Variants in DSCAM observed in about 807,000 individuals in gnomAD.
DSCAM encodes cell adhesion molecule DSCAM.
In DSCAM, 47 loss-of-function variants were observed where a neutral mutation model predicts 217.7. The observed-to-expected ratio is 0.22, with a 90% confidence interval of 0.17 to 0.28. The LOEUF is 0.28. DSCAM is among the 10% of genes least tolerant of loss of function. DSCAM has a pLI of 1.00. For missense variants in DSCAM, 2,080 were observed against 2,618.3 expected, an observed-to-expected ratio of 0.79 and a Z score of 4.49; for synonymous variants, 1,056 against 1,015.3, an observed-to-expected ratio of 1.04 and a Z score of -0.76.
intron 3 of DSCAM, among the ~76,000 whole-genome samples, chr21:40,534,526 T>C (rs573183318): frequency 6.6e-6 from 1 of 152,296 alleles, no homozygotes; most frequent in South Asian, 2.1e-4. Flanking sequence ...GTACCCCGCC[T>C]TGATGTGGAC....
intron 1 of DSCAM, among the ~76,000 whole-genome samples, chr21:40,816,101 G>A (rs2091879392): frequency 6.6e-6 from 1 of 152,162 alleles, no homozygotes; most frequent in African/African-American, 2.4e-5. Flanking sequence ...TGTCAAAACA[G>A]CAAAATCAGT....
At chr21:40,324,712 G>A (rs533883938) in intron 8 of DSCAM, among the ~76,000 whole-genome samples, 3 of 152,264 alleles carry the variant, frequency 2.0e-5, no homozygotes, top group African/African-American at 7.2e-5. Flanking sequence ...CCCTGGTTGA[G>A]AGCAATAATA....
At chr21:40,030,562 C>T (rs921544326) in intron 32 of DSCAM, among the ~76,000 whole-genome samples, 2 of 152,176 alleles carry the variant, frequency 1.3e-5, no homozygotes, top group African/African-American at 4.8e-5. Flanking sequence ...GCGTTCACAA[C>T]AGGGATCAAG....
Position 40,808,959 on chromosome 21 carries a change from T to C in DSCAM, c.43+37660A>G, listed in dbSNP as rs184365720. Among the ~76,000 whole-genome samples, 299 of 152,256 alleles carry C rather than the reference T, an allele frequency of 2.0e-3. 4 individuals carry two copies. In the South Asian group the frequency reaches 0.024, roughly 12 times the overall value. ...CTTAACCTGCGCCTAGCATCTAACTTCTACCCCAGAGACTATCCTACATGC... is the reference window on the plus strand; with the variant it reads ...CTTAACCTGCGCCTAGCATCTAACTCCTACCCCAGAGACTATCCTACATGC... On this transcript the variant is annotated intron_variant, in intron 1 of 32. Coordinates refer to ENST00000400454, the MANE Select transcript of DSCAM (RefSeq NM_001389.5).
At chr21:40,109,957 G>T (rs933759502) in intron 20 of DSCAM, among the ~76,000 whole-genome samples, 2 of 152,194 alleles carry the variant, frequency 1.3e-5, no homozygotes, top group Non-Finnish European at 2.9e-5. Context: ...AGCTCAAGGA[G>T]GCCTGCCTGC....
intron 3 of DSCAM, among the ~76,000 whole-genome samples, chr21:40,585,129 T>G (rs1378451716): frequency 6.6e-6 from 1 of 151,734 alleles, no homozygotes; most frequent in East Asian, 1.9e-4. Context: ...AAGCAGATGC[T>G]GGGGCAATGC....
intron 1 of DSCAM, among the ~76,000 whole-genome samples, chr21:40,813,180 G>A (rs932057902): frequency 5.3e-5 from 8 of 152,112 alleles, no homozygotes; most frequent in South Asian, 2.1e-4. Flanking sequence ...GATTGATAAC[G>A]GCACAAATGA....
At chr21:40,395,002 C>T (rs1009929503) in intron 3 of DSCAM, among the ~76,000 whole-genome samples, 4 of 152,162 alleles carry the variant, frequency 2.6e-5, no homozygotes, top group Admixed American at 1.3e-4. Context: ...GTAATTTTTA[C>T]ATGGTTAATT....
rs2088804410 is a variant in DSCAM at position 40,044,144 on chromosome 21, G to T, written c.5317C>A (p.Pro1773Thr). The T allele has an allele frequency of 6.2e-7, 1 of 1,614,046 alleles. No homozygotes were observed. The part of the protein sequence containing the change: ...TLTTDWRLPT[P>T]RAAGSVDKES... ...TTGTCTACTGATCCTGCAGCCCTGG[G>T]TGTTGGCAGCCTCCAGTCTGTGGTG... is the stretch of plus-strand genomic sequence containing the variant. The change falls in exon 31 of 33, where the codon CCC (proline) becomes ACC (threonine). Residue 1773 changes from proline to threonine, a missense_variant. Pro to Thr is a conservative substitution (Grantham distance 38, BLOSUM62 -1). This residue lies in a region of DSCAM where 1,144 missense variants were observed against 1,421.1 expected (regional missense o/e 0.81). Coordinates refer to ENST00000400454, the MANE Select transcript of DSCAM (RefSeq NM_001389.5).
At chr21:40,478,273 G>A (rs1364921824) in intron 3 of DSCAM, among the ~76,000 whole-genome samples, 2 of 152,078 alleles carry the variant, frequency 1.3e-5, no homozygotes, top group Non-Finnish European at 2.9e-5. Flanking sequence ...TTTTTTGATT[G>A]GAGCTATTAT....
chr21:40,081,797 T>C (rs2089465145), intron 24 of DSCAM, among the ~76,000 whole-genome samples: 1 of 152,202 alleles, frequency 6.6e-6, no homozygotes, highest in South Asian at 2.1e-4. Flanking sequence ...ATGATGGCAA[T>C]GGCTTTGGCC....
intron 16 of DSCAM, among the ~76,000 whole-genome samples, chr21:40,156,125 G>A (rs2090473848): frequency 6.6e-6 from 1 of 151,658 alleles, no homozygotes; most frequent in South Asian, 2.1e-4. Context: ...CTTAAGTGAT[G>A]TAGGAGGAGA....
intron 3 of DSCAM, among the ~76,000 whole-genome samples, chr21:40,495,595 T>G (rs988194418): frequency 2.6e-5 from 4 of 152,150 alleles, no homozygotes; most frequent in African/African-American, 9.7e-5. Context: ...GATGAAAAAT[T>G]GAAAGTTTTC....
intron 27 of DSCAM, among the ~76,000 whole-genome samples, chr21:40,067,611 T>C (rs2089226425): frequency 6.6e-6 from 1 of 152,190 alleles, no homozygotes; most frequent in Non-Finnish European, 1.5e-5. Flanking sequence ...CTCCACATAA[T>C]GGCTAATACA....
At chr21:40,702,606 G>C (rs138744442) in intron 2 of DSCAM, among the ~76,000 whole-genome samples, 6 of 152,018 alleles carry the variant, frequency 3.9e-5, no homozygotes, top group Admixed American at 3.3e-4. Context: ...CAGGTTACTG[G>C]AACATTTAAA....
At chr21:40,080,524 G>A (rs1163587391) in intron 24 of DSCAM, among the ~76,000 whole-genome samples, 184 bp from the exon 25 acceptor site, 5 of 152,132 alleles carry the variant, frequency 3.3e-5, no homozygotes, top group African/African-American at 4.8e-5. Context: ...GCACCATGAT[G>A]TATTGATTAG....
At chr21:40,498,781 GTATATATATATATATATATATATA>G (rs1166919235) in intron 3 of DSCAM, among the ~76,000 whole-genome samples, 7 of 26,034 alleles carry the variant, frequency 2.7e-4, no homozygotes, top group Admixed American at 1.5e-3. Flanking sequence ...ATATGGGTGT[GTATATATATATATATATATATATA>G]TATATATATA....
chr21:40,655,589 T>A (rs1248690297), intron 3 of DSCAM, among the ~76,000 whole-genome samples: 2 of 152,020 alleles, frequency 1.3e-5, no homozygotes, highest in African/African-American at 4.8e-5. Context: ...ACTACAGGTG[T>A]GCACCACCAT....
At chr21:40,439,940 T>C (rs1472422104) in intron 3 of DSCAM, among the ~76,000 whole-genome samples, 1 of 152,154 alleles carries the variant, frequency 6.6e-6, no homozygotes, top group Non-Finnish European at 1.5e-5. Flanking sequence ...TGGGTGTGAA[T>C]ATAGCCAAAC....
Sources: gnomAD v4.1 joint callset for allele counts (sites outside exome capture counted in the v4.1 genomes callset) on GRCh38, gnomAD v4.1.1 for gene constraint, gnomAD v4.1.1 regional missense constraint, MANE v1.5 for transcripts, NCBI Gene and HGNC (gene_info 2026-07-23, HGNC 2026-07-21) for gene names.